Variants in DCC observed in about 807,000 individuals in gnomAD.
The protein encoded by DCC is DCC netrin 1 receptor.
A neutral mutation model predicts 172.5 loss-of-function variants in DCC; 58 were observed. The observed-to-expected ratio is 0.34, with a 90% CI of 0.27 to 0.42. DCC has a LOEUF of 0.42. Among genes scored for constraint, DCC ranks in the 10% least tolerant of loss-of-function variants. DCC has a pLI of 1.00. For synonymous variants in DCC, 709 were observed against 644.5 expected, an observed-to-expected ratio of 1.10 and a Z score of -1.52; for missense variants, 1,740 against 1,791.0, an observed-to-expected ratio of 0.97 and a Z score of 0.51.
At chr18:53,280,450 C>T (rs1046732922) in intron 12 of DCC, among the ~76,000 whole-genome samples, 6 of 152,002 alleles carry the variant, frequency 3.9e-5, no homozygotes, top group African/African-American at 1.4e-4. Flanking sequence ...AATCTTGTTC[C>T]TAATCTCAAA....
At chr18:53,095,982 A>G (rs2043082128) in intron 7 of DCC, among the ~76,000 whole-genome samples, 2 of 152,040 alleles carry the variant, frequency 1.3e-5, no homozygotes, top group Non-Finnish European at 2.9e-5. Context: ...CAGTGGCTGA[A>G]GGCTGTAATC....
intron 1 of DCC, among the ~76,000 whole-genome samples, chr18:52,630,545 T>C (rs980005965): frequency 6.6e-6 from 1 of 152,192 alleles, no homozygotes; most frequent in African/African-American, 2.4e-5. Flanking sequence ...GTAAGATACA[T>C]GGTAAATGCC....
chr18:52,963,493 G>A (rs61081324), intron 5 of DCC, among the ~76,000 whole-genome samples: 1 of 152,252 alleles, frequency 6.6e-6, no homozygotes, highest in East Asian at 1.9e-4. Context: ...GAACAAAAGA[G>A]GGATGCGACT....
intron 1 of DCC, among the ~76,000 whole-genome samples, chr18:52,574,888 A>G (rs553657282): frequency 4.6e-5 from 7 of 152,160 alleles, no homozygotes; most frequent in Non-Finnish European, 1.0e-4. Context: ...CTTCCATACA[A>G]ATGAAGCAAA....
At chr18:53,336,195 T>C (rs1269841917) in intron 14 of DCC, among the ~76,000 whole-genome samples, 7 of 152,188 alleles carry the variant, frequency 4.6e-5, no homozygotes, top group Non-Finnish European at 1.5e-5. Context: ...ACTTGTAAAA[T>C]GTTTCATGTA....
chr18:53,016,934 CTAGT>C (rs2041814881), intron 5 of DCC, among the ~76,000 whole-genome samples: 1 of 152,076 alleles, frequency 6.6e-6, no homozygotes, highest in Non-Finnish European at 1.5e-5. Context: ...ATAGAAGTAG[CTAGT>C]TATCTTCAGC....
At chr18:53,380,306 T>A (rs34589926) in intron 15 of DCC, among the ~76,000 whole-genome samples, 1 of 151,862 alleles carries the variant, frequency 6.6e-6, no homozygotes, top group Non-Finnish European at 1.5e-5. Flanking sequence ...TACATACTGG[T>A]AGAAAACCCT....
chr18:53,293,767 A>G (rs1270950930), intron 12 of DCC, among the ~76,000 whole-genome samples: 2 of 151,990 alleles, frequency 1.3e-5, no homozygotes, highest in African/African-American at 4.8e-5. Flanking sequence ...TCTGCAGGCT[A>G]CTCTCAGCTG....
intron 2 of DCC, among the ~76,000 whole-genome samples, chr18:52,862,680 A>G (rs1219709290): frequency 6.6e-6 from 1 of 152,180 alleles, no homozygotes; most frequent in African/African-American, 2.4e-5. Flanking sequence ...CCTGGGCAAC[A>G]GAGCAAGACT....
chr18:53,140,938 T>C (rs2043820559), intron 7 of DCC, among the ~76,000 whole-genome samples: 1 of 152,178 alleles, frequency 6.6e-6, no homozygotes, highest in African/African-American at 2.4e-5. Context: ...GGATGAGTTA[T>C]AAATAAATTC....
intron 2 of DCC, among the ~76,000 whole-genome samples, chr18:52,844,384 T>G (rs1236066648): frequency 6.6e-6 from 1 of 152,138 alleles, no homozygotes; most frequent in Non-Finnish European, 1.5e-5. Flanking sequence ...AAGCACTCTT[T>G]AAGAGGGTTA....
At chr18:52,415,238 G>T (rs947806924) in intron 1 of DCC, among the ~76,000 whole-genome samples, 1 of 152,110 alleles carries the variant, frequency 6.6e-6, no homozygotes, top group Admixed American at 6.5e-5. Flanking sequence ...GGCATAAAAA[G>T]CATAAGGTAA....
chr18:52,777,863 G>A (rs889466562), intron 2 of DCC, among the ~76,000 whole-genome samples: 5 of 152,156 alleles, frequency 3.3e-5, no homozygotes, highest in East Asian at 1.9e-4. Flanking sequence ...AATGCCAAGT[G>A]TATCTATGGC....
At chr18:53,530,531 G>T (rs1568190935) in intron 28 of DCC, 33 bp from the exon 29 acceptor site, 3 of 1,150,658 alleles carry the variant, frequency 2.6e-6, no homozygotes, top group Non-Finnish European at 4.0e-6. Context: ...ATCAATATTT[G>T]TTACTAACTC....
rs1268503747 is a variant in DCC, at chr18:53,428,179, TATATA to T, written c.3164-6959_3164-6955del. Among the ~76,000 whole-genome samples the T allele has an allele frequency of 1.4e-3, 44 of 32,002 alleles. 8 individuals carry two copies. The East Asian group carries it at 0.026, about 19-fold the overall frequency. The allele number at this position is 32,002 out of a possible 152,430, so 21.0% of individuals were successfully genotyped here. A position where few individuals can be genotyped will look rare whatever the true frequency, so the allele number is the denominator to read the frequency against. Reference sequence around the variant, plus strand: ...TAATATAATAATATATAATATGTAATATATAATATAGAATATATAATATTATATAT... The same window carrying T: ...TAATATAATAATATATAATATGTAATATATAGAATATATAATATTATATAT... On this transcript the variant is annotated intron_variant, in intron 21 of 28. Coordinates refer to ENST00000442544, the MANE Select transcript of DCC (RefSeq NM_005215.4).
chr18:53,309,540 G>A (rs1049114877), intron 13 of DCC, among the ~76,000 whole-genome samples: 1 of 152,018 alleles, frequency 6.6e-6, no homozygotes, highest in Non-Finnish European at 1.5e-5. Flanking sequence ...TCCTCTCAAG[G>A]ACAATCATTT....
At chr18:53,329,092 G>A (rs1358323158) in intron 14 of DCC, among the ~76,000 whole-genome samples, 2 of 152,084 alleles carry the variant, frequency 1.3e-5, no homozygotes, top group Non-Finnish European at 2.9e-5. Context: ...ATAGATTGAA[G>A]AGGGCGTTTT....
chr18:52,955,471 T>C (rs1162464938), intron 5 of DCC, among the ~76,000 whole-genome samples: 1 of 152,136 alleles, frequency 6.6e-6, no homozygotes, highest in East Asian at 1.9e-4. Context: ...CTTGGTTGTT[T>C]CCAAATTTTG....
At chr18:52,560,915 G>A (rs762230961) in intron 1 of DCC, among the ~76,000 whole-genome samples, 37 of 152,016 alleles carry the variant, frequency 2.4e-4, no homozygotes, top group Non-Finnish European at 3.8e-4. Context: ...TTCAGATATT[G>A]CATTTTATGT....
Sources: gnomAD v4.1 joint callset for allele counts (sites outside exome capture counted in the v4.1 genomes callset) on GRCh38, gnomAD v4.1.1 for gene constraint, MANE v1.5 for transcripts, NCBI Gene and HGNC (gene_info 2026-07-23, HGNC 2026-07-21) for gene names.